The following KIF6 variants were observed in gnomAD, a reference collection of about 807,000 sequenced individuals.
The protein encoded by KIF6 is kinesin family member 6.
In KIF6, 106 loss-of-function variants were observed where a neutral mutation model predicts 112.7. The ratio of observed to expected loss-of-function variants is 0.94; its 90% CI spans 0.80 to 1.11. The LOEUF is 1.11. Among genes scored for constraint, KIF6 ranks in the 50% least tolerant of loss-of-function variants. The pLI is 0.00. For synonymous variants in KIF6, 339 were observed against 339.9 expected, an observed-to-expected ratio of 1.00 and a Z score of 0.03; for missense variants, 929 against 964.0, an observed-to-expected ratio of 0.96 and a Z score of 0.48.
chr6:39,435,825 T>G (rs1771488224), intron 13 of KIF6, among the ~76,000 whole-genome samples: 1 of 152,216 alleles, frequency 6.6e-6, no homozygotes, highest in Non-Finnish European at 1.5e-5. Context: ...GATAAACATA[T>G]GCATCCAGGT....
In KIF6 at chr6:39,354,332, GGGAGTA is replaced by G. The variant is rs1489960406; in HGVS notation, c.2180+2939_2180+2944del. On this transcript the variant is annotated intron_variant, in intron 19 of 22. Coordinates refer to ENST00000287152, the MANE Select transcript of KIF6 (RefSeq NM_145027.6). ...CCCAGTCTGGCCACTGTGGAAGCAA[GGGAGTA>G]GGTTTGGTGGGGCTGAAAGTGTTTA... Among the ~76,000 whole-genome samples the G allele has an allele frequency of 2.0e-5, 3 of 152,258 alleles. No individual in the cohort carries two copies. In the East Asian group the frequency reaches 5.8e-4, roughly 29 times the overall value.
At chr6:39,414,062 G>C (rs1028527045) in intron 15 of KIF6, among the ~76,000 whole-genome samples, 2 of 152,118 alleles carry the variant, frequency 1.3e-5, no homozygotes, top group Non-Finnish European at 2.9e-5. Context: ...GTATAATGTT[G>C]ACATGGAAAT....
chr6:39,480,122 T>C (rs1774702131), intron 13 of KIF6, among the ~76,000 whole-genome samples: 2 of 152,236 alleles, frequency 1.3e-5, no homozygotes, highest in Non-Finnish European at 2.9e-5. Context: ...CATCCTTGTC[T>C]TGTTCCAGTT....
chr6:39,478,014 G>T (rs1238922130), intron 13 of KIF6, among the ~76,000 whole-genome samples: 1 of 151,768 alleles, frequency 6.6e-6, no homozygotes, highest in Non-Finnish European at 1.5e-5. Context: ...TTTGTTTTTT[G>T]GATTTTATTA....
At chr6:39,717,940 T>C (rs999187891) in intron 2 of KIF6, among the ~76,000 whole-genome samples, 31 of 152,166 alleles carry the variant, frequency 2.0e-4, no homozygotes, top group Admixed American at 1.8e-3. Context: ...TAAAGAATAC[T>C]TTGGGGCCAG....
chr6:39,491,172 G>A (rs904619798), intron 13 of KIF6, among the ~76,000 whole-genome samples: 14 of 152,134 alleles, frequency 9.2e-5, no homozygotes, highest in Non-Finnish European at 7.3e-5. Flanking sequence ...GTTCCTAGGT[G>A]TGGCTCCTGT....
At chr6:39,366,805 A>G (rs754265705) in intron 16 of KIF6, among the ~76,000 whole-genome samples, 1 of 152,144 alleles carries the variant, frequency 6.6e-6, no homozygotes, top group East Asian at 1.9e-4. Context: ...CTTGGGAGCC[A>G]TGGTAAGGAC....
intron 16 of KIF6, among the ~76,000 whole-genome samples, chr6:39,371,855 C>T (rs1471159827): frequency 2.0e-5 from 3 of 152,026 alleles, no homozygotes; most frequent in Non-Finnish European, 4.4e-5. Flanking sequence ...CATGAAACCA[C>T]CCCAAATTAG....
Position 39,544,556 on chromosome 6 carries a change from G to C in KIF6, c.1425C>G (p.Ile475Met). 1 of 1,611,328 alleles carries C rather than the reference G, an allele frequency of 6.2e-7. No individual in the cohort carries two copies. The highest frequency in any genetic ancestry group is 8.5e-7 in the Non-Finnish European group (1 of 1,179,088). Reference sequence around the variant, plus strand: ...TCTTCATCACTTCAGAAAGGATACTGATTTCGTTATCTCTCTGTTTCAGAA... The same window carrying C: ...TCTTCATCACTTCAGAAAGGATACTCATTTCGTTATCTCTCTGTTTCAGAA... ...RDILKQRDNE[I>M]NILVNMLKKE... is the part of the protein sequence containing the mutation. Residue 475 changes from isoleucine (I) to methionine (M), a missense_variant and splice_region_variant, in exon 12 of 23, where the codon ATC becomes ATG. Transcript: ENST00000287152.
Position 39,568,982 on chromosome 6 carries a change from T to A in KIF6, c.1181+9074A>T, listed in dbSNP as rs185361558. Among the ~76,000 whole-genome samples the A allele has an allele frequency of 1.9e-3, 295 of 152,236 alleles. 1 individual carries two copies. Among genetic ancestry groups the A allele is most frequent in the Non-Finnish European group, 2.9e-3 (196 of 67,990 alleles). On this transcript the variant is annotated intron_variant, in intron 10 of 22. Transcript: ENST00000287152. Reference sequence around the variant, plus strand: ...TCTCTCTCTCTGTCTCTCTCCACTCTCTCTCTCTCCAGGTCTACTTCTCAT... The same window carrying A: ...TCTCTCTCTCTGTCTCTCTCCACTCACTCTCTCTCCAGGTCTACTTCTCAT...
At chr6:39,595,736 C>T (rs60600290) in intron 7 of KIF6, among the ~76,000 whole-genome samples, 2,106 of 152,136 alleles carry the variant, frequency 0.014, 48 homozygotes, top group African/African-American at 0.048. Context: ...TCCACTTACA[C>T]GAGGCACCTG....
intron 10 of KIF6, among the ~76,000 whole-genome samples, chr6:39,577,287 C>A (rs1388038350): frequency 6.6e-6 from 1 of 152,132 alleles, no homozygotes; most frequent in East Asian, 1.9e-4. Flanking sequence ...CACTTTTATT[C>A]TCTCTCTAAT....
At chr6:39,451,956 C>T (rs897605255) in intron 13 of KIF6, among the ~76,000 whole-genome samples, 2 of 152,108 alleles carry the variant, frequency 1.3e-5, no homozygotes, top group African/African-American at 2.4e-5. Flanking sequence ...CTCAGTGTGG[C>T]TTGTGAATCA....
chr6:39,638,874 A>T (rs1365433859), intron 4 of KIF6, among the ~76,000 whole-genome samples: 1 of 152,086 alleles, frequency 6.6e-6, no homozygotes, highest in Admixed American at 6.6e-5. Flanking sequence ...GTTTGAACAT[A>T]ACCAACAAAA....
chr6:39,706,568 A>G (rs577180233), intron 3 of KIF6, among the ~76,000 whole-genome samples: 1 of 152,336 alleles, frequency 6.6e-6, no homozygotes, highest in African/African-American at 2.4e-5. Context: ...GTCACACTTA[A>G]AAGTTTAGAT....
intron 15 of KIF6, among the ~76,000 whole-genome samples, chr6:39,413,708 A>G (rs1239992207): frequency 6.6e-6 from 1 of 152,070 alleles, no homozygotes; most frequent in Non-Finnish European, 1.5e-5. Context: ...CAGAACTGAG[A>G]CAAGGAGGGA....
intron 13 of KIF6, among the ~76,000 whole-genome samples, chr6:39,441,116 A>T (rs925173590): frequency 6.6e-6 from 1 of 152,174 alleles, no homozygotes; most frequent in Non-Finnish European, 1.5e-5. Context: ...ATGAAAGACA[A>T]GGATGTTGAA....
At chr6:39,640,457 G>A (rs551388591) in intron 3 of KIF6, among the ~76,000 whole-genome samples, 2 of 152,208 alleles carry the variant, frequency 1.3e-5, no homozygotes, top group Admixed American at 6.6e-5. Context: ...TTTAATCTAT[G>A]CTACATGGAA....
chr6:39,551,628 T>C (rs545194512), intron 10 of KIF6, among the ~76,000 whole-genome samples: 58 of 152,222 alleles, frequency 3.8e-4, no homozygotes, highest in Admixed American at 9.2e-4. Flanking sequence ...AACTAATATA[T>C]ATCCATAATA....
Sources: gnomAD v4.1 joint callset for allele counts (sites outside exome capture counted in the v4.1 genomes callset) on GRCh38, gnomAD v4.1.1 for gene constraint, MANE v1.5 for transcripts, NCBI Gene and HGNC (gene_info 2026-07-23, HGNC 2026-07-21) for gene names.